SYCE1L: variants seen among roughly 807,000 people sequenced by gnomAD.
SYCE1L encodes synaptonemal complex central element protein 1 like, also known as synaptonemal complex central element protein 1-like.
Under a neutral mutation model 39.6 loss-of-function variants are expected in SYCE1L, and 51 were observed. That is an observed-to-expected ratio of 1.29 (90% CI 1.03 to 1.63). The LOEUF (loss-of-function observed/expected upper bound fraction) is 1.63, where lower values mean the gene tolerates loss of function less well. Among genes scored for constraint, SYCE1L ranks in the 40% most tolerant of loss-of-function variants. The pLI is 0.00. For missense variants in SYCE1L, 426 were observed against 304.9 expected (o/e 1.40, Z -2.96); for synonymous variants, 147 against 122.4 (o/e 1.20, Z -1.33).
At position 77,212,936 on chromosome 16, in the gene SYCE1L, G is replaced by A; in HGVS notation, c.*5G>A. The A allele has an allele frequency of 1.3e-6, 2 of 1,512,396 alleles. No individual in the cohort carries two copies. Among genetic ancestry groups the A allele is most frequent in the Non-Finnish European group, 1.8e-6 (2 of 1,131,970 alleles). 93.7% of individuals were successfully genotyped at this position (1,512,396 alleles called of 1,614,324 possible). On this transcript the variant is annotated 3_prime_UTR_variant, in exon 11 of 11. Coordinates refer to ENST00000378644, the MANE Select transcript of SYCE1L (RefSeq NM_001129979.3). ...GCTGCCCCTGACGCCCTCTAGGCCA[G>A]CAGGACCCGCCCGTTCCCGACCTTC...
chr16:77,212,999 G>T lies in SYCE1L; in HGVS notation c.*68G>T. 1 of 1,400,276 alleles carries T rather than the reference G, an allele frequency of 7.1e-7. No homozygotes were observed. The highest frequency in any genetic ancestry group is 9.4e-7 in the Non-Finnish European group (1 of 1,059,898). 86.7% of individuals were successfully genotyped at this position (1,400,276 alleles called of 1,614,324 possible). On this transcript the variant is annotated 3_prime_UTR_variant, in exon 11 of 11. Coordinates refer to ENST00000378644, the MANE Select transcript of SYCE1L (RefSeq NM_001129979.3). ...CCAAGAAATAAAGGCGATGATTTCC[G>T]ACCATGCTCGCGTTCTCCGCGGAGT...
chr16:77,200,040 A>C (rs1277682847), intron 1 of SYCE1L: 3 of 151,778 alleles, frequency 2.0e-5, no homozygotes, highest in African/African-American at 7.3e-5. Flanking sequence ...CAAAAGAAAA[A>C]AAAATCTCAG....
chr16:77,208,367 A>T, intron 3 of SYCE1L, 98 bp downstream of exon 3: 3 of 1,541,388 alleles, frequency 1.9e-6, no homozygotes, highest in Non-Finnish European at 1.8e-6. Context: ...AGGCCCCTCT[A>T]GGGTTGTTTG....
chr16:77,200,291 T>TATATATGTATATATATATAC, intron 1 of SYCE1L: 1 of 111,430 alleles, frequency 9.0e-6, no homozygotes, highest in Non-Finnish European at 1.9e-5. Flanking sequence ...TATATATATA[T>TATATATGTATATATATATAC]ACACACACTA....
chr16:77,204,230 A>G (rs1214301967), intron 1 of SYCE1L, among the ~76,000 whole-genome samples: 21 of 152,216 alleles, frequency 1.4e-4, no homozygotes, highest in Non-Finnish European at 1.0e-4. Context: ...ATGTGTACCC[A>G]GTAGATACAG....
At chr16:77,205,268 C>A (rs990942355) in intron 1 of SYCE1L, among the ~76,000 whole-genome samples, 9 of 151,542 alleles carry the variant, frequency 5.9e-5, no homozygotes, top group African/African-American at 2.2e-4. Context: ...AGCCGCCTTT[C>A]GTCTTCTCTT....
Position 77,213,044 on chromosome 16 carries a change from G to A in SYCE1L, c.*113G>A. ...CGGAGTCTGTGCTACACCGTGGAGC[G>A]GGGCGGGGCGTGCTGGGATCTCGAG... On this transcript the variant is annotated 3_prime_UTR_variant, in exon 11 of 11. Coordinates refer to ENST00000378644, the MANE Select transcript of SYCE1L (RefSeq NM_001129979.3). 2 of 1,125,106 alleles carry A rather than the reference G, an allele frequency of 1.8e-6. No individual in the cohort carries two copies. The highest frequency in any genetic ancestry group is 2.3e-6 in the Non-Finnish European group (2 of 865,946). 69.7% of individuals were successfully genotyped at this position (1,125,106 alleles called of 1,614,324 possible).
Position 77,212,630 on chromosome 16 carries a change from G to A in SYCE1L, c.638G>A (p.Gly213Glu), listed in dbSNP as rs1256016860. Reference sequence around the variant, plus strand: ...CAGGTCCGGAGCGCCCCCGAGGTCGGGGCCGGCGAGGGAGAGGTAGGGAGC... The same window carrying A: ...CAGGTCCGGAGCGCCCCCGAGGTCGAGGCCGGCGAGGGAGAGGTAGGGAGC... Reference protein sequence around the residue: ...GEQVRSAPEVGAGEGEAGPEL... With the variant: ...GEQVRSAPEVEAGEGEAGPEL... The change falls in exon 10 of 11, where the codon GGG (glycine) becomes GAG (glutamate). Residue 213 changes from glycine (G) to glutamate (E), a missense_variant. Transcript: ENST00000378644. The A allele has an allele frequency of 2.0e-6, 3 of 1,535,144 alleles. No individual in the cohort carries two copies. Among genetic ancestry groups the A allele is most frequent in the African/African-American group, 1.4e-5 (1 of 73,022 alleles).
chr16:77,202,747 A>G (rs1162840281), intron 1 of SYCE1L, among the ~76,000 whole-genome samples: 1 of 152,238 alleles, frequency 6.6e-6, no homozygotes, highest in African/African-American at 2.4e-5. Context: ...TGGGAATAAA[A>G]TGTCAAGAAG....
intron 8 of SYCE1L, 26 bp from the exon 9 acceptor site, chr16:77,212,256 T>A: frequency 6.6e-7 from 1 of 1,524,852 alleles, no homozygotes; most frequent in Non-Finnish European, 8.8e-7. Context: ...GCCTCGGCCC[T>A]GCCCCTGACG....
intron 5 of SYCE1L, 110 bp downstream of exon 5, chr16:77,209,254 C>G (rs1466552729): frequency 2.2e-6 from 3 of 1,367,320 alleles, no homozygotes; most frequent in Non-Finnish European, 3.1e-6. Flanking sequence ...AGGGTGCTTC[C>G]CTCTCTGCAC....
chr16:77,209,433 C>T lies in SYCE1L; in HGVS notation c.321C>T (p.Leu107=), dbSNP rs61740088. 39,744 of 1,551,654 alleles carry T rather than the reference C, an allele frequency of 0.026. 670 individuals are homozygous for T. The highest frequency in any genetic ancestry group is 0.046 in the South Asian group (3,862 of 84,064). ...LGKKQEALRI[L]QMHCQEKESE... is the part of the protein sequence containing the mutation. ...TCCCCACAGAGGCACTGAGGATCCT[C>T]CAGATGCACTGCCAAGAGAAGGAAA... The change falls in exon 6 of 11, where the codon CTC becomes CTT. Residue 107 remains leucine, a synonymous_variant. Transcript: ENST00000378644.
In SYCE1L at chr16:77,200,291, T is replaced by TATATATATATATGTATATATATATAC; in HGVS notation, c.61+780_61+781insTATATATATATGTATATATATATACA. 6.3e-5 allele frequency: 7 copies of TATATATATATATGTATATATATATAC among 111,428 alleles called. 1 individual carries two copies. Among genetic ancestry groups the TATATATATATATGTATATATATATAC allele is most frequent in the South Asian group, 2.7e-4 (1 of 3,708 alleles). The allele number at this position is 111,428 out of a possible 1,614,324, so 6.9% of individuals were successfully genotyped here. On this transcript the variant is annotated intron_variant, in intron 1 of 10. Coordinates refer to ENST00000378644, the MANE Select transcript of SYCE1L (RefSeq NM_001129979.3). ...ATATATGTGTATATATATATATATA[T>TATATATATATATGTATATATATATAC]ACACACACTAATCAGCCGGGCGCGG...
rs184008228 is a variant in SYCE1L, at chr16:77,213,034, A to C, written c.*103A>C. ...GCGTTCTCCGCGGAGTCTGTGCTAC[A>C]CCGTGGAGCGGGGCGGGGCGTGCTG... On this transcript the variant is annotated 3_prime_UTR_variant, in exon 11 of 11. Transcript: ENST00000378644. 8.5e-5 allele frequency: 98 copies of C among 1,158,712 alleles called. No individual in the cohort carries two copies. In the African/African-American group the frequency reaches 1.4e-3, roughly 16 times the overall value. 71.8% of individuals were successfully genotyped at this position (1,158,712 alleles called of 1,614,324 possible). A position where few individuals can be genotyped will look rare whatever the true frequency, so the allele number is the denominator to read the frequency against.
chr16:77,211,648 A>AGGGAGG (rs1217503655), intron 7 of SYCE1L, among the ~76,000 whole-genome samples: 1 of 152,108 alleles, frequency 6.6e-6, no homozygotes, highest in Non-Finnish European at 1.5e-5. Context: ...TGAGGCAGGG[A>AGGGAGG]GGGAGGGTAG....
intron 1 of SYCE1L, chr16:77,201,219 A>G (rs1218388452): frequency 6.6e-6 from 1 of 152,238 alleles, no homozygotes; most frequent in Non-Finnish European, 1.5e-5. Flanking sequence ...GATTAGAGGC[A>G]CATACTAAGT....
intron 1 of SYCE1L, chr16:77,200,270 A>ATATATG (rs1273001153): frequency 2.6e-4 from 25 of 94,998 alleles, no homozygotes; most frequent in African/African-American, 7.8e-4. Context: ...ATATATATAT[A>ATATATG]TGTGTATATA....
Position 77,212,159 on chromosome 16 carries a change from C to A in SYCE1L, c.453C>A (p.Ile151=), listed in dbSNP as rs1034276540. Residue 151 remains isoleucine (I), a synonymous_variant, in exon 8 of 11, where the codon ATC becomes ATA. Coordinates refer to ENST00000378644, the MANE Select transcript of SYCE1L (RefSeq NM_001129979.3). ...HMLEQRLARE[I]RALERSKEQL... ...TGGAGCAGCGACTGGCCCGGGAGAT[C>A]CGTGCCCTGGAGAGAAGCAAGGAGC... 6.5e-7 allele frequency: 1 copy of A among 1,549,212 alleles called. No homozygotes were observed. Among genetic ancestry groups the A allele is most frequent in the African/African-American group, 1.4e-5 (1 of 73,080 alleles).
chr16:77,207,206 G>A (rs67133421), intron 2 of SYCE1L, among the ~76,000 whole-genome samples: 15,421 of 152,214 alleles, frequency 0.1, 1,010 homozygotes, highest in East Asian at 0.29. Flanking sequence ...GCACCGTGGA[G>A]AGCACCCACT....
Sources: gnomAD v4.1 joint callset for allele counts (sites outside exome capture counted in the v4.1 genomes callset) on GRCh38, gnomAD v4.1.1 for gene constraint, MANE v1.5 for transcripts, NCBI Gene and HGNC (gene_info 2026-07-23, HGNC 2026-07-21) for gene names.